The following MPZL1 variants were observed in gnomAD, a reference collection of about 807,000 sequenced individuals.
The protein encoded by MPZL1 is myelin protein zero-like protein 1.
Under a neutral mutation model 29.3 loss-of-function variants are expected in MPZL1, and 16 were observed. That is an observed-to-expected ratio of 0.55 (90% CI 0.37 to 0.83). MPZL1 has a LOEUF of 0.83. MPZL1 is among the 40% of genes least tolerant of loss of function. The pLI, the probability that MPZL1 is intolerant of heterozygous loss-of-function variation, is 0.00. For synonymous variants in MPZL1, 143 were observed against 132.0 expected (o/e 1.08, Z -0.57); for missense variants, 279 against 332.9 (o/e 0.84, Z 1.26).
intron 1 of MPZL1, among the ~76,000 whole-genome samples, chr1:167,754,072 GCTGCAACC>G (rs1660815782): frequency 1.3e-5 from 2 of 151,804 alleles, no homozygotes; most frequent in African/African-American, 4.8e-5. Flanking sequence ...ATCTCCGTTC[GCTGCAACC>G]TCTGCCTCCT....
intron 1 of MPZL1, among the ~76,000 whole-genome samples, chr1:167,764,897 A>G (rs1661078899): frequency 6.6e-6 from 1 of 152,250 alleles, no homozygotes; most frequent in African/African-American, 2.4e-5. Flanking sequence ...AAAAGGCTAC[A>G]TGCTGTATAA....
At chr1:167,772,899 A>T (rs1458141764) in intron 3 of MPZL1, among the ~76,000 whole-genome samples, 1 of 152,216 alleles carries the variant, frequency 6.6e-6, no homozygotes, top group African/African-American at 2.4e-5. Context: ...TTTTGAGAAC[A>T]AACAGGAAAT....
At chr1:167,722,864 A>G (rs1448299569) in intron 1 of MPZL1, among the ~76,000 whole-genome samples, 1 of 152,240 alleles carries the variant, frequency 6.6e-6, no homozygotes, top group Non-Finnish European at 1.5e-5. Flanking sequence ...AGAGCTTGGA[A>G]TACCAGTGAG....
At chr1:167,776,307 G>T in intron 5 of MPZL1, 141 bp downstream of exon 5, 2 of 522,314 alleles carry the variant, frequency 3.8e-6, no homozygotes, top group Non-Finnish European at 6.5e-6. Context: ...GAGAGTGGGA[G>T]TGAGGAATTA....
At chr1:167,762,877 TGGGA>T (rs910151032) in intron 1 of MPZL1, among the ~76,000 whole-genome samples, 8 of 152,124 alleles carry the variant, frequency 5.3e-5, no homozygotes, top group African/African-American at 1.9e-4. Context: ...TAGCCAGGGA[TGGGA>T]GGAAGTTAAT....
At chr1:167,740,938 G>A (rs1660506379) in intron 1 of MPZL1, among the ~76,000 whole-genome samples, 1 of 152,166 alleles carries the variant, frequency 6.6e-6, no homozygotes, top group Admixed American at 6.5e-5. Context: ...AGTCCTGTAT[G>A]TCATCCCTTT....
chr1:167,771,570 C>T (rs139862094), intron 2 of MPZL1, among the ~76,000 whole-genome samples: 5,426 of 152,196 alleles, frequency 0.036, 142 homozygotes, highest in Middle Eastern at 0.1. Context: ...GATTGCACAG[C>T]GGCCAGGCAG....
At position 167,765,658 on chromosome 1, in the gene MPZL1, T is replaced by C; in HGVS notation, c.167T>C (p.Leu56Pro). Reference sequence around the variant, plus strand: ...GTGGCAAATGGTACACAAGGGAAGCTGACCTGCAAGTTCAAGTCTACTAGT... The same window carrying C: ...GTGGCAAATGGTACACAAGGGAAGCCGACCTGCAAGTTCAAGTCTACTAGT... The part of the protein sequence containing the change: ...IFVANGTQGK[L>P]TCKFKSTSTT... The change falls in exon 2 of 6, where the codon CTG (leucine) becomes CCG (proline). Residue 56 changes from leucine to proline, a missense_variant. By Grantham distance (98) the Leu-to-Pro change is moderately conservative. Transcript: ENST00000359523. 1.2e-6 allele frequency: 2 copies of C among 1,613,798 alleles called. No homozygotes were observed. The highest frequency in any genetic ancestry group is 1.7e-6 in the Non-Finnish European group (2 of 1,179,806).
chr1:167,765,440 A>C (rs981740286), intron 1 of MPZL1, 143 bp from the exon 2 acceptor site: 3 of 592,252 alleles, frequency 5.1e-6, no homozygotes, highest in Non-Finnish European at 8.5e-6. Context: ...TTAGCTGTAG[A>C]ATATTCTGCC....
At chr1:167,723,973 G>A (rs1027863235) in intron 1 of MPZL1, among the ~76,000 whole-genome samples, 1 of 152,138 alleles carries the variant, frequency 6.6e-6, no homozygotes, top group Non-Finnish European at 1.5e-5. Context: ...TAAAAGGTGG[G>A]AGGTTAGGTC....
Position 167,790,911 on chromosome 1 carries a change from C to T in MPZL1, c.*2990C>T, listed in dbSNP as rs1413365456. The T allele has an allele frequency of 1.3e-5, 2 of 152,180 alleles. No homozygotes were observed. Among genetic ancestry groups the T allele is most frequent in the Admixed American group, 1.3e-4 (2 of 15,276 alleles). The allele number at this position is 152,180 out of a possible 1,614,324, so 9.4% of individuals were successfully genotyped here. A position where few individuals can be genotyped will look rare whatever the true frequency, so the allele number is the denominator to read the frequency against. Reference sequence around the variant, plus strand: ...CCAGCTACACCTGCCTTCTTTTCTTCAAAAATGCCGTCCGTGTGCCTGCTT... The same window carrying T: ...CCAGCTACACCTGCCTTCTTTTCTTTAAAAATGCCGTCCGTGTGCCTGCTT... On this transcript the variant is annotated 3_prime_UTR_variant, in exon 6 of 6. Transcript: ENST00000359523.
intron 5 of MPZL1, among the ~76,000 whole-genome samples, chr1:167,783,416 G>T (rs1248999365): frequency 6.6e-6 from 1 of 152,142 alleles, no homozygotes; most frequent in Non-Finnish European, 1.5e-5. Context: ...AGGAGTAGTT[G>T]GTTTTCTAGA....
chr1:167,726,632 CATT>C (rs376819791), intron 1 of MPZL1, among the ~76,000 whole-genome samples: 1 of 152,312 alleles, frequency 6.6e-6, no homozygotes, highest in East Asian at 1.9e-4. Context: ...GCTTATTTCT[CATT>C]ATCAGTTCCC....
chr1:167,763,588 C>G (rs1661043930), intron 1 of MPZL1, among the ~76,000 whole-genome samples: 1 of 152,028 alleles, frequency 6.6e-6, no homozygotes, highest in Non-Finnish European at 1.5e-5. Flanking sequence ...CAGTACTCAT[C>G]ACCATGGAGA....
At chr1:167,728,414 G>A (rs1221447834) in intron 1 of MPZL1, among the ~76,000 whole-genome samples, 1 of 138,412 alleles carries the variant, frequency 7.2e-6, no homozygotes, top group Non-Finnish European at 1.5e-5. Flanking sequence ...CACCATATTG[G>A]CCAGGCTGGT....
rs551427318 is a variant in MPZL1 at position 167,741,732 on chromosome 1, T to G, written c.91+19490T>G. The stretch of plus-strand genomic sequence containing the variant: ...TACATCAGGTGCTGTCATTTTGTTG[T>G]TTAAAACCCTTTAGTCTTGGCTGGG... On this transcript the variant is annotated intron_variant, in intron 1 of 5. Transcript: ENST00000359523. Among the ~76,000 whole-genome samples the G allele has an allele frequency of 3.9e-5, 6 of 152,206 alleles. No homozygotes were observed. In the East Asian group the frequency reaches 7.7e-4, roughly 20 times the overall value.
chr1:167,765,518 C>T (rs1003422423), intron 1 of MPZL1, 65 bp from the exon 2 acceptor site: 2 of 1,401,530 alleles, frequency 1.4e-6, no homozygotes, highest in African/African-American at 1.4e-5. Flanking sequence ...TCTTGTCTGG[C>T]AAAAATGCAC....
At chr1:167,780,541 A>G (rs1661476439) in intron 5 of MPZL1, among the ~76,000 whole-genome samples, 1 of 152,198 alleles carries the variant, frequency 6.6e-6, no homozygotes, top group Admixed American at 6.5e-5. Context: ...GTATATATAT[A>G]CACAATGGAA....
intron 1 of MPZL1, among the ~76,000 whole-genome samples, chr1:167,744,995 A>T (rs1435180496): frequency 6.6e-6 from 1 of 152,102 alleles, no homozygotes; most frequent in Non-Finnish European, 1.5e-5. Flanking sequence ...ACGGTACGAA[A>T]AGGGTTTATG....
Sources: gnomAD v4.1 joint callset for allele counts (sites outside exome capture counted in the v4.1 genomes callset) on GRCh38, gnomAD v4.1.1 for gene constraint, MANE v1.5 for transcripts, NCBI Gene and HGNC (gene_info 2026-07-23, HGNC 2026-07-21) for gene names.